The following ANKRD12 variants were observed in gnomAD, a reference collection of about 807,000 sequenced individuals.
The protein encoded by ANKRD12 is ankyrin repeat domain-containing protein 12.
In ANKRD12, 85 loss-of-function variants were observed where a neutral mutation model predicts 183.4. That is an observed-to-expected ratio of 0.46 (90% CI 0.39 to 0.56). The LOEUF is 0.56. Among genes scored for constraint, ANKRD12 ranks in the 20% least tolerant of loss-of-function variants. The probability of loss-of-function intolerance (pLI) is 0.00; values close to 1 mark genes in which losing one functional copy is unlikely to be tolerated. For missense variants in ANKRD12, 2,405 were observed against 2,357.1 expected (o/e 1.02, Z -0.42); for synonymous variants, 914 against 800.2 (o/e 1.14, Z -2.40).
In ANKRD12 at chr18:9,216,840, C is replaced by T. The variant is rs1037609650; in HGVS notation, c.735C>T (p.Asn245=). 3 of 1,613,546 alleles carry T rather than the reference C, an allele frequency of 1.9e-6. No homozygotes were observed. The East Asian group carries it at 6.7e-5, about 36-fold the overall frequency. Residue 245 remains asparagine, a synonymous_variant, in exon 7 of 13, where the codon AAC becomes AAT. Transcript: ENST00000262126. ...KILIAAGADV[N]TQGLDDDTPL... ...TTATAGCAGCTGGAGCAGATGTTAACACACAAGGATTAGATGATGACACTC... is the reference window on the plus strand; with the variant it reads ...TTATAGCAGCTGGAGCAGATGTTAATACACAAGGATTAGATGATGACACTC...
In ANKRD12 at chr18:9,208,683, A is replaced by G. The variant is rs771642280; in HGVS notation, c.331A>G (p.Thr111Ala). The G allele has an allele frequency of 1.2e-6, 2 of 1,610,430 alleles. No individual in the cohort carries two copies. Among genetic ancestry groups the G allele is most frequent in the Non-Finnish European group, 1.7e-6 (2 of 1,178,680 alleles). Residue 111 changes from threonine (T) to alanine (A), a missense_variant, in exon 5 of 13, where the codon ACA becomes GCA. Thr to Ala is a moderately conservative substitution (Grantham distance 58). Coordinates refer to ENST00000262126, the MANE Select transcript of ANKRD12 (RefSeq NM_015208.5). ...GAAAGAAGGTCCAGAAAAGAAGAAG[A>G]CAAAAAAGGAAGCTGGAAATAAGAA... ...SEKEGPEKKKTKKEAGNKKST... is the reference protein window; with the variant it reads ...SEKEGPEKKKAKKEAGNKKST...
chr18:9,181,782 A>G (rs181330562), intron 1 of ANKRD12, among the ~76,000 whole-genome samples: 3 of 152,322 alleles, frequency 2.0e-5, no homozygotes, highest in Admixed American at 1.3e-4. Flanking sequence ...TGTTTGACCT[A>G]TTATGCTTGT....
chr18:9,174,673 G>T (rs1003994463), intron 1 of ANKRD12, among the ~76,000 whole-genome samples: 6 of 152,164 alleles, frequency 3.9e-5, no homozygotes, highest in Admixed American at 3.9e-4. Context: ...GTTGTCTGTG[G>T]GTCATGCCAT....
intron 8 of ANKRD12, among the ~76,000 whole-genome samples, chr18:9,244,182 T>TTAA: frequency 6.6e-6 from 1 of 152,310 alleles, no homozygotes; most frequent in East Asian, 1.9e-4. Context: ...AAAGACTTAC[T>TTAA]TTTAGATCAA....
At position 9,255,713 on chromosome 18, in the gene ANKRD12, A is replaced by G. The variant is rs1321669557; in HGVS notation, c.2446A>G (p.Lys816Glu). The change falls in exon 9 of 13, where the codon AAG (lysine) becomes GAG (glutamate). Residue 816 changes from lysine to glutamate, a missense_variant. This residue lies in a region of ANKRD12 where 1,983 missense variants were observed against 1,725.9 expected (regional missense o/e 1.15). Coordinates refer to ENST00000262126, the MANE Select transcript of ANKRD12 (RefSeq NM_015208.5). ...IDIEKQEKHI[K>E]ESKEKPEKRS... ...CATTGAAAAACAAGAAAAGCATATAAAGGAAAGTAAAGAAAAACCTGAGAA... is the reference window on the plus strand; with the variant it reads ...CATTGAAAAACAAGAAAAGCATATAGAGGAAAGTAAAGAAAAACCTGAGAA... 5 of 1,598,634 alleles carry G rather than the reference A, an allele frequency of 3.1e-6. No homozygotes were observed. The highest frequency in any genetic ancestry group is 4.3e-6 in the Non-Finnish European group (5 of 1,176,092).
intron 1 of ANKRD12, among the ~76,000 whole-genome samples, chr18:9,162,804 T>C (rs34102742): frequency 0.56 from 84,824 of 151,480 alleles, 24,937 homozygotes; most frequent in South Asian, 0.77. Context: ...ATCAGTGATA[T>C]TGAGTTTTTT....
At chr18:9,215,763 C>T (rs999592377) in intron 6 of ANKRD12, among the ~76,000 whole-genome samples, 12 of 152,052 alleles carry the variant, frequency 7.9e-5, no homozygotes, top group African/African-American at 2.9e-4. Flanking sequence ...ACAGGATTTA[C>T]CACAGAACCA....
intron 10 of ANKRD12, among the ~76,000 whole-genome samples, chr18:9,268,377 A>G (rs554152777): frequency 3.3e-5 from 5 of 152,216 alleles, no homozygotes; most frequent in South Asian, 2.1e-4. Flanking sequence ...CCTCAATAAA[A>G]TACTGGCAAA....
At chr18:9,230,957 C>G (rs560380356) in intron 8 of ANKRD12, among the ~76,000 whole-genome samples, 1 of 152,206 alleles carries the variant, frequency 6.6e-6, no homozygotes, top group African/African-American at 2.4e-5. Flanking sequence ...CGTAAGCCAC[C>G]ATGCCTGGCC....
chr18:9,244,877 G>A (rs527388749), intron 8 of ANKRD12, among the ~76,000 whole-genome samples: 2 of 152,246 alleles, frequency 1.3e-5, no homozygotes, highest in East Asian at 3.9e-4. Flanking sequence ...ATAAAATCAA[G>A]CGTAATACTT....
chr18:9,148,835 C>G (rs762363801), intron 1 of ANKRD12, among the ~76,000 whole-genome samples: 1 of 152,154 alleles, frequency 6.6e-6, no homozygotes, highest in Non-Finnish European at 1.5e-5. Flanking sequence ...TTTTTAGAAG[C>G]CTTTTTTGTT....
chr18:9,180,946 A>G (rs563648841), intron 1 of ANKRD12, among the ~76,000 whole-genome samples: 1 of 152,280 alleles, frequency 6.6e-6, no homozygotes, highest in East Asian at 1.9e-4. Flanking sequence ...TGTATAGCTC[A>G]GTTTTGCTTT....
At chr18:9,271,377 T>C (rs1426239980) in intron 10 of ANKRD12, among the ~76,000 whole-genome samples, 1 of 152,048 alleles carries the variant, frequency 6.6e-6, no homozygotes, top group African/African-American at 2.4e-5. Flanking sequence ...TACAAAAAAT[T>C]AGACGGGTGT....
intron 1 of ANKRD12, among the ~76,000 whole-genome samples, chr18:9,140,916 TAAC>T (rs1400828389): frequency 2.0e-5 from 3 of 152,332 alleles, no homozygotes; most frequent in Admixed American, 6.5e-5. Context: ...ATTTTCATAA[TAAC>T]CTTGTAAAAC....
intron 8 of ANKRD12, among the ~76,000 whole-genome samples, chr18:9,236,939 GA>G (rs1233723793): frequency 2.0e-5 from 3 of 152,108 alleles, no homozygotes; most frequent in African/African-American, 7.2e-5. Flanking sequence ...ACTACTGAGA[GA>G]AAAGAACTGC....
intron 1 of ANKRD12, among the ~76,000 whole-genome samples, chr18:9,164,567 T>G (rs1223604357): frequency 5.3e-5 from 8 of 152,216 alleles, no homozygotes; most frequent in Non-Finnish European, 1.0e-4. Context: ...TAACACCGTT[T>G]TAGCTGCATC....
intron 8 of ANKRD12, among the ~76,000 whole-genome samples, chr18:9,248,141 T>C (rs2038072067): frequency 6.6e-6 from 1 of 152,212 alleles, no homozygotes; most frequent in Non-Finnish European, 1.5e-5. Context: ...TTATTTCAAA[T>C]TTTTACAGTT....
rs1367370459 is a variant in ANKRD12, at chr18:9,281,444, G to A, written c.*318G>A. On this transcript the variant is annotated 3_prime_UTR_variant, in exon 13 of 13. Coordinates refer to ENST00000262126, the MANE Select transcript of ANKRD12 (RefSeq NM_015208.5). ...GCGCTGGAAGTTGTTAGCGCTCTAA[G>A]TAATAAGATAACCACTAGTATTCAA... 5.7e-6 allele frequency: 1 copy of A among 176,982 alleles called. No individual in the cohort carries two copies. The highest frequency in any genetic ancestry group is 1.2e-5 in the Non-Finnish European group (1 of 85,054). 11.0% of individuals were successfully genotyped at this position (176,982 alleles called of 1,614,324 possible). A position where few individuals can be genotyped will look rare whatever the true frequency, so the allele number is the denominator to read the frequency against.
chr18:9,191,821 A>G (rs2034473965), intron 2 of ANKRD12, among the ~76,000 whole-genome samples: 1 of 151,674 alleles, frequency 6.6e-6, no homozygotes, highest in Admixed American at 6.6e-5. Context: ...GGGCTCTCAC[A>G]CTCTGGGCCA....
Sources: gnomAD v4.1 joint callset for allele counts (sites outside exome capture counted in the v4.1 genomes callset) on GRCh38, gnomAD v4.1.1 for gene constraint, gnomAD v4.1.1 regional missense constraint, MANE v1.5 for transcripts, NCBI Gene and HGNC (gene_info 2026-07-23, HGNC 2026-07-21) for gene names.